The following UBE2F variants were observed in gnomAD, a reference collection of about 807,000 sequenced individuals.
UBE2F encodes ubiquitin conjugating enzyme E2 F (putative), also known as NEDD8-conjugating enzyme UBE2F.
UBE2F carries 5 observed loss-of-function variants against 29.6 expected under a neutral mutation model. The ratio of observed to expected loss-of-function variants is 0.17; its 90% CI spans 0.09 to 0.36. UBE2F has a LOEUF of 0.36. Among genes scored for constraint, UBE2F ranks in the 10% least tolerant of loss-of-function variants. The probability of loss-of-function intolerance (pLI) is 1.00; values close to 1 mark genes in which losing one functional copy is unlikely to be tolerated. For missense variants in UBE2F, 141 were observed against 228.5 expected, an observed-to-expected ratio of 0.62 and a Z score of 2.47; for synonymous variants, 66 against 81.8, an observed-to-expected ratio of 0.81 and a Z score of 1.04.
At position 237,999,926 on chromosome 2, in the gene UBE2F, G is replaced by A. The variant is rs1349126060; in HGVS notation, c.214+5117G>A. ...TGCAACCTCCACCTCCCAGGTTCGA[G>A]CGATTCTCCTGCCTCAGCCTCCCGA... On this transcript the variant is annotated intron_variant, in intron 4 of 9. Coordinates refer to ENST00000272930, the MANE Select transcript of UBE2F (RefSeq NM_080678.3). Among the ~76,000 whole-genome samples, 4 of 150,994 alleles carry A rather than the reference G, an allele frequency of 2.6e-5. No individual in the cohort carries two copies. In the East Asian group the frequency reaches 7.7e-4, roughly 29 times the overall value.
rs1240607128 is a variant in UBE2F, at chr2:238,040,855, A to G, written c.508-433A>G. Among the ~76,000 whole-genome samples, 1 of 152,102 alleles carries G rather than the reference A, an allele frequency of 6.6e-6. No individual in the cohort carries two copies. Among genetic ancestry groups the G allele is most frequent in the African/African-American group, 2.4e-5 (1 of 41,424 alleles). ...TGTGAAGAGCAGGCACATTTTAAGT[A>G]GGTAGCAGCATCCAGGGAAATCATT... On this transcript the variant is annotated intron_variant, in intron 9 of 9. Coordinates refer to ENST00000272930, the MANE Select transcript of UBE2F (RefSeq NM_080678.3). This position sits in a 1 kb window ranked among gnomAD's most constrained non-coding sequence, Gnocchi z 4.4.
chr2:238,015,421 A>T (rs2064129634), intron 4 of UBE2F, among the ~76,000 whole-genome samples: 1 of 152,368 alleles, frequency 6.6e-6, no homozygotes, highest in East Asian at 1.9e-4. Context: ...ACCAATAATC[A>T]TATAAATTTT....
chr2:238,035,823 T>C (rs1326298959), intron 8 of UBE2F, 55 bp from the exon 9 acceptor site: 3 of 1,457,956 alleles, frequency 2.1e-6, no homozygotes, highest in Middle Eastern at 2.4e-4. Context: ...ATGAAGACTT[T>C]AACAGCAGAA....
intron 3 of UBE2F, among the ~76,000 whole-genome samples, chr2:237,992,731 A>G (rs904187079): frequency 1.3e-5 from 2 of 152,168 alleles, no homozygotes; most frequent in Non-Finnish European, 1.5e-5. Context: ...CTAGTCACCA[A>G]GCCTCTCTAG....
intron 2 of UBE2F, among the ~76,000 whole-genome samples, chr2:237,977,013 G>C (rs1315097388): frequency 6.6e-6 from 1 of 152,154 alleles, no homozygotes; most frequent in Non-Finnish European, 1.5e-5. Context: ...ACAGAAAAGA[G>C]AGTTCAAGGA....
At chr2:237,998,192 T>C (rs1553554143) in intron 4 of UBE2F, among the ~76,000 whole-genome samples, 1 of 152,216 alleles carries the variant, frequency 6.6e-6, no homozygotes, top group Non-Finnish European at 1.5e-5. Flanking sequence ...ATGTACTAAT[T>C]TGAAATGTAT....
In UBE2F at chr2:238,042,769, C is replaced by G. The variant is rs1207168593; in HGVS notation, c.*1431C>G. 6.6e-6 allele frequency: 1 copy of G among 152,242 alleles called. No individual in the cohort carries two copies. Among genetic ancestry groups the G allele is most frequent in the Non-Finnish European group, 1.5e-5 (1 of 68,070 alleles). The allele number at this position is 152,242 out of a possible 1,614,324, so 9.4% of individuals were successfully genotyped here. ...GTGAGGAATGTAGGCCTTGCTTCCT[C>G]TTTGCACCCATTAGACTTGAGGGTG... On this transcript the variant is annotated 3_prime_UTR_variant, in exon 10 of 10. Transcript: ENST00000272930.
intron 6 of UBE2F, among the ~76,000 whole-genome samples, chr2:238,026,829 G>A (rs1402800094): frequency 6.6e-6 from 1 of 152,184 alleles, no homozygotes; most frequent in Non-Finnish European, 1.5e-5. Context: ...GTTTTTCACA[G>A]ATGGTTAAAA....
At chr2:238,039,940 G>A (rs2064803537) in intron 9 of UBE2F, among the ~76,000 whole-genome samples, 1 of 152,220 alleles carries the variant, frequency 6.6e-6, no homozygotes, top group African/African-American at 2.4e-5. Context: ...GGGGATTGTG[G>A]AAATGGCCTT....
At chr2:238,032,012 T>A (rs1007102814) in intron 7 of UBE2F, among the ~76,000 whole-genome samples, 1 of 152,264 alleles carries the variant, frequency 6.6e-6, no homozygotes, top group Non-Finnish European at 1.5e-5. Context: ...TGATTTTATA[T>A]TCACTACCTG....
At chr2:238,022,882 A>G (rs1386290092) in intron 5 of UBE2F, among the ~76,000 whole-genome samples, 1 of 152,210 alleles carries the variant, frequency 6.6e-6, no homozygotes, top group African/African-American at 2.4e-5. Flanking sequence ...TTTGGAAAGT[A>G]TGTATGTCAG....
chr2:238,030,356 G>A (rs908259620), intron 6 of UBE2F, among the ~76,000 whole-genome samples, 200 bp from the exon 7 acceptor site: 3 of 152,124 alleles, frequency 2.0e-5, no homozygotes, highest in African/African-American at 7.2e-5. Context: ...CATAACACAA[G>A]ACGTTATAAT....
chr2:237,967,187 G>T lies in UBE2F; in HGVS notation c.-17+55G>T, dbSNP rs1275261927. On this transcript the variant is annotated intron_variant, in intron 1 of 9. Coordinates refer to ENST00000272930, the MANE Select transcript of UBE2F (RefSeq NM_080678.3). This position sits in a 1 kb window ranked among gnomAD's most constrained non-coding sequence, Gnocchi z 6.3. Reference sequence around the variant, plus strand: ...GGGCGAGGTGCGGCCGCCGGTGCACGGGCTGGCCTGCGGGCCGGGCGGAGG... The same window carrying T: ...GGGCGAGGTGCGGCCGCCGGTGCACTGGCTGGCCTGCGGGCCGGGCGGAGG... The T allele has an allele frequency of 7.3e-6, 8 of 1,091,790 alleles. No homozygotes were observed. The Admixed American group carries it at 4.2e-4, about 57-fold the overall frequency. The allele number at this position is 1,091,790 out of a possible 1,614,324, so 67.6% of individuals were successfully genotyped here.
intron 4 of UBE2F, among the ~76,000 whole-genome samples, chr2:238,011,394 T>G (rs2064024965): frequency 6.6e-6 from 1 of 152,196 alleles, no homozygotes; most frequent in Non-Finnish European, 1.5e-5. Context: ...CTGACCTCCC[T>G]GCTTAAAACT....
At chr2:238,030,979 A>C (rs1257755112) in intron 7 of UBE2F, among the ~76,000 whole-genome samples, 1 of 152,216 alleles carries the variant, frequency 6.6e-6, no homozygotes, top group Non-Finnish European at 1.5e-5. Flanking sequence ...GGAGCAGCAA[A>C]TTGATGTGCA....
At chr2:238,030,517 G>T (rs1481378915) in intron 6 of UBE2F, 39 bp from the exon 7 acceptor site, 1 of 1,545,888 alleles carries the variant, frequency 6.5e-7, no homozygotes, top group South Asian at 1.1e-5. Flanking sequence ...GGCACCTGTG[G>T]CTGCTCCTCA....
At chr2:237,973,889 T>C in intron 2 of UBE2F, 1 of 226,740 alleles carries the variant, frequency 4.4e-6, no homozygotes, top group Non-Finnish European at 8.2e-6. Context: ...TCAAGTGCTT[T>C]GAAGTCGGTT....
At chr2:237,995,498 C>T (rs1253456804) in intron 4 of UBE2F, among the ~76,000 whole-genome samples, 1 of 152,104 alleles carries the variant, frequency 6.6e-6, no homozygotes, top group Non-Finnish European at 1.5e-5. Context: ...CCGGTCGATG[C>T]TGTTGTGGGG....
At chr2:237,984,226 C>G (rs1337925755) in intron 2 of UBE2F, among the ~76,000 whole-genome samples, 1 of 152,204 alleles carries the variant, frequency 6.6e-6, no homozygotes, top group Non-Finnish European at 1.5e-5. Context: ...AGCCCCCACA[C>G]TTTTCTGCCT....
Sources: gnomAD v4.1 joint callset for allele counts (sites outside exome capture counted in the v4.1 genomes callset) on GRCh38, gnomAD v4.1.1 for gene constraint, Gnocchi (gnomAD v3.1) non-coding constraint, MANE v1.5 for transcripts, NCBI Gene and HGNC (gene_info 2026-07-23, HGNC 2026-07-21) for gene names.